The following NEDD9 variants were observed in gnomAD, a reference collection of about 807,000 sequenced individuals.
The protein encoded by NEDD9 is neural precursor cell expressed, developmentally down-regulated 9.
A neutral mutation model predicts 76.6 loss-of-function variants in NEDD9; 26 were observed. The observed-to-expected ratio is 0.34, with a 90% CI of 0.25 to 0.47. The LOEUF (loss-of-function observed/expected upper bound fraction) is 0.47, where lower values mean the gene tolerates loss of function less well. Ranked by LOEUF, NEDD9 falls within the 20% of genes least tolerant of loss-of-function variation. NEDD9 has a pLI of 1.00. For missense variants in NEDD9, 937 were observed against 1,058.5 expected (o/e 0.89, Z 1.59); for synonymous variants, 392 against 414.2 (o/e 0.95, Z 0.65).
chr6:11,277,359 G>A (rs984924361), intron 3 of NEDD9, among the ~76,000 whole-genome samples: 2 of 152,206 alleles, frequency 1.3e-5, no homozygotes, highest in Non-Finnish European at 2.9e-5. Context: ...GCTTTTATTA[G>A]ACAAAAGGTC....
At chr6:11,349,291 A>G (rs1582042738) in intron 1 of NEDD9, among the ~76,000 whole-genome samples, 1 of 152,350 alleles carries the variant, frequency 6.6e-6, no homozygotes, top group East Asian at 1.9e-4. Context: ...AAGATTGTGG[A>G]GAAAAGGGAA....
intron 2 of NEDD9, among the ~76,000 whole-genome samples, chr6:11,201,713 A>ATG (rs1482489718): frequency 6.6e-6 from 1 of 151,990 alleles, no homozygotes; most frequent in African/African-American, 2.4e-5. Context: ...AAATATATAT[A>ATG]TATTTTGTCA....
At chr6:11,215,625 C>T (rs1312558504) in intron 1 of NEDD9, among the ~76,000 whole-genome samples, 2 of 152,136 alleles carry the variant, frequency 1.3e-5, no homozygotes, top group Non-Finnish European at 2.9e-5. Context: ...GAAATGACTC[C>T]ACCAGAGCTG....
intron 2 of NEDD9, among the ~76,000 whole-genome samples, chr6:11,202,548 G>A (rs985360283): frequency 6.6e-6 from 1 of 152,164 alleles, no homozygotes; most frequent in Non-Finnish European, 1.5e-5. Context: ...TAAAATCCAA[G>A]AGTACTAGTT....
At chr6:11,306,771 G>C (rs1761196565) in intron 2 of NEDD9, among the ~76,000 whole-genome samples, 1 of 152,140 alleles carries the variant, frequency 6.6e-6, no homozygotes, top group Non-Finnish European at 1.5e-5. Context: ...CTTGTTTCCA[G>C]AAAAGGAGAA....
At chr6:11,300,891 G>T (rs1384871613) in intron 3 of NEDD9, among the ~76,000 whole-genome samples, 2 of 152,120 alleles carry the variant, frequency 1.3e-5, no homozygotes, top group African/African-American at 4.8e-5. Context: ...AGGAATAACT[G>T]GTACTAGCCA....
At chr6:11,333,307 C>T (rs931822365) in intron 2 of NEDD9, among the ~76,000 whole-genome samples, 1 of 152,118 alleles carries the variant, frequency 6.6e-6, no homozygotes, top group African/African-American at 2.4e-5. Context: ...GGCACAGGAG[C>T]GTAGGAGAGT....
intron 1 of NEDD9, among the ~76,000 whole-genome samples, chr6:11,227,277 A>C (rs1759334652): frequency 6.6e-6 from 1 of 152,222 alleles, no homozygotes; most frequent in South Asian, 2.1e-4. Context: ...TCTTGAGTAC[A>C]TACCATCCTT....
intron 2 of NEDD9, among the ~76,000 whole-genome samples, chr6:11,201,376 C>T (rs188295013): frequency 1.3e-5 from 2 of 152,370 alleles, no homozygotes; most frequent in East Asian, 1.9e-4. Flanking sequence ...CCTTCTGATG[C>T]CAGCCCTGTG....
At chr6:11,373,243 A>C (rs1238544193) in intron 1 of NEDD9, among the ~76,000 whole-genome samples, 1 of 152,182 alleles carries the variant, frequency 6.6e-6, no homozygotes, top group African/African-American at 2.4e-5. Flanking sequence ...GCAATTTGTT[A>C]ATTTTCATCA....
In NEDD9 at chr6:11,213,107, C is replaced by T. The variant is rs1432916278; in HGVS notation, c.459+174G>A. The stretch of plus-strand genomic sequence containing the variant: ...CACATGGTAGTTCAAAGAAGTTTTG[C>T]TGAATGATGGATGAATGGCAAAATC... On this transcript the variant is annotated intron_variant, in intron 2 of 6. Coordinates refer to ENST00000379446, the MANE Select transcript of NEDD9 (RefSeq NM_006403.4). This position sits in a 1 kb window ranked among gnomAD's most constrained non-coding sequence, Gnocchi z 5.4. Among the ~76,000 whole-genome samples, 1 of 152,150 alleles carries T rather than the reference C, an allele frequency of 6.6e-6. No homozygotes were observed. The highest frequency in any genetic ancestry group is 1.9e-4 in the East Asian group (1 of 5,200).
At chr6:11,255,583 CT>C (rs1759988295) in intron 3 of NEDD9, among the ~76,000 whole-genome samples, 1 of 152,036 alleles carries the variant, frequency 6.6e-6, no homozygotes, top group East Asian at 1.9e-4. Flanking sequence ...CAGAAGGAAG[CT>C]TGGGGCATCC....
intron 3 of NEDD9, among the ~76,000 whole-genome samples, chr6:11,239,723 T>C (rs567228911): frequency 1.3e-5 from 2 of 152,212 alleles, no homozygotes; most frequent in Admixed American, 1.3e-4. Flanking sequence ...TACATTCTAT[T>C]TTCTGAAAGA....
chr6:11,304,954 A>G, intron 3 of NEDD9: 1 of 622,790 alleles, frequency 1.6e-6, no homozygotes, highest in Non-Finnish European at 2.4e-6. Flanking sequence ...TTAAAATATA[A>G]TTAAAAAAAC....
chr6:11,339,180 A>G, intron 1 of NEDD9, among the ~76,000 whole-genome samples: 1 of 152,256 alleles, frequency 6.6e-6, no homozygotes, highest in Non-Finnish European at 1.5e-5. Flanking sequence ...CATAATTGTC[A>G]TACACTATAT....
intron 1 of NEDD9, among the ~76,000 whole-genome samples, chr6:11,223,387 T>C (rs892544340): frequency 6.6e-6 from 1 of 151,898 alleles, no homozygotes; most frequent in Non-Finnish European, 1.5e-5. Context: ...AGAGTCTCTA[T>C]AAAATCAAAG....
At chr6:11,262,832 A>G (rs1014411835) in intron 3 of NEDD9, among the ~76,000 whole-genome samples, 2 of 152,276 alleles carry the variant, frequency 1.3e-5, no homozygotes, top group African/African-American at 4.8e-5. Context: ...GCTTAATGTG[A>G]AAATCACAAA....
At chr6:11,290,851 G>A (rs1481906972) in intron 3 of NEDD9, among the ~76,000 whole-genome samples, 2 of 152,208 alleles carry the variant, frequency 1.3e-5, no homozygotes, top group Non-Finnish European at 2.9e-5. Flanking sequence ...GGCACTGTCA[G>A]CAGCTGTGCT....
At chr6:11,328,698 C>T (rs1431544748) in intron 2 of NEDD9, 1 of 152,282 alleles carries the variant, frequency 6.6e-6, no homozygotes, top group African/African-American at 2.4e-5. Context: ...TTTGTCTCTA[C>T]TTTGCCTTCC....
Sources: gnomAD v4.1 joint callset for allele counts (sites outside exome capture counted in the v4.1 genomes callset) on GRCh38, gnomAD v4.1.1 for gene constraint, Gnocchi (gnomAD v3.1) non-coding constraint, MANE v1.5 for transcripts, NCBI Gene and HGNC (gene_info 2026-07-23, HGNC 2026-07-21) for gene names.